The following RNF20 variants were observed in gnomAD, a reference collection of about 807,000 sequenced individuals.
The protein encoded by RNF20 is E3 ubiquitin-protein ligase BRE1A.
Under a neutral mutation model 126.2 loss-of-function variants are expected in RNF20, and 84 were observed. The observed-to-expected ratio is 0.67, with a 90% CI of 0.56 to 0.80. The LOEUF (loss-of-function observed/expected upper bound fraction) is 0.80. RNF20 is among the 30% of genes least tolerant of loss of function. The pLI is 0.00. For synonymous variants in RNF20, 400 were observed against 414.3 expected, an observed-to-expected ratio of 0.97 and a Z score of 0.42; for missense variants, 869 against 1,188.2, an observed-to-expected ratio of 0.73 and a Z score of 3.95.
At chr9:101,560,536 A>C in intron 16 of RNF20, 1 of 278,538 alleles carries the variant, frequency 3.6e-6, no homozygotes, top group South Asian at 5.2e-5. Context: ...AAGCATTAGC[A>C]TGCATTCTCT....
At chr9:101,559,287 T>C (rs950460015) in intron 16 of RNF20, among the ~76,000 whole-genome samples, 3 of 152,220 alleles carry the variant, frequency 2.0e-5, no homozygotes, top group Non-Finnish European at 2.9e-5. Flanking sequence ...CCATGCTGTT[T>C]TTGTGACTAT....
At chr9:101,561,407 TG>T in intron 18 of RNF20, 177 bp downstream of exon 18, 4 of 633,970 alleles carry the variant, frequency 6.3e-6, no homozygotes, top group Non-Finnish European at 1.1e-5. Context: ...GACTCTTTTA[TG>T]GTGCCTTGCA....
At chr9:101,551,562 G>A in intron 10 of RNF20, 122 bp from the exon 11 acceptor site, 2 of 698,838 alleles carry the variant, frequency 2.9e-6, no homozygotes, top group South Asian at 3.1e-5. Flanking sequence ...TTAGTCTTTT[G>A]TAGATATCTG....
At position 101,544,784 on chromosome 9, in the gene RNF20, G is replaced by A. The variant is rs960249713; in HGVS notation, c.646G>A (p.Glu216Lys). 1 of 1,605,776 alleles carries A rather than the reference G, an allele frequency of 6.2e-7. No individual in the cohort carries two copies. ...TTCCCCAGATAATCTGATAGTGGAGGAAGCAGTGCAGGAGCTGAACTCTTT... is the reference window on the plus strand; with the variant it reads ...TTCCCCAGATAATCTGATAGTGGAGAAAGCAGTGCAGGAGCTGAACTCTTT... The part of the protein sequence containing the change: ...LNSGDNLIVE[E>K]AVQELNSFLA... The change falls in exon 6 of 20, where the codon GAA becomes AAA. Residue 216 changes from glutamate to lysine, a missense_variant. By Grantham distance (56) the Glu-to-Lys change is moderately conservative. Coordinates refer to ENST00000389120, the MANE Select transcript of RNF20 (RefSeq NM_019592.7).
chr9:101,540,217 T>G lies in RNF20; in HGVS notation c.144T>G (p.Ile48Met), dbSNP rs1251402421. The G allele has an allele frequency of 6.2e-7, 1 of 1,614,154 alleles. No homozygotes were observed. Among genetic ancestry groups the G allele is most frequent in the East Asian group, 2.2e-5 (1 of 44,878 alleles). ...GGVSSTEELD[I>M]RTLQTKNRKL... ...TTACTGGGCAGGAGGAACTAGACAT[T>G]AGAACACTGCAAACCAAAAATCGCA... Residue 48 changes from isoleucine (I) to methionine (M), a missense_variant, in exon 3 of 20, where the codon ATT becomes ATG. This residue lies in a region of RNF20 where 157 missense variants were observed against 236.0 expected (regional missense o/e 0.67). Coordinates refer to ENST00000389120, the MANE Select transcript of RNF20 (RefSeq NM_019592.7).
chr9:101,555,294 A>G (rs1429105085), intron 15 of RNF20, among the ~76,000 whole-genome samples: 1 of 151,900 alleles, frequency 6.6e-6, no homozygotes, highest in African/African-American at 2.4e-5. Flanking sequence ...CAGAAAAACT[A>G]TGCTTATAAA....
intron 15 of RNF20, among the ~76,000 whole-genome samples, chr9:101,556,238 G>A (rs2118731080): frequency 6.6e-6 from 1 of 152,218 alleles, no homozygotes; most frequent in South Asian, 2.1e-4. Context: ...TAAAGTACAT[G>A]TGGAGAAGTA....
In RNF20 at chr9:101,552,564, G is replaced by T. The variant is rs759189988; in HGVS notation, c.1712G>T (p.Arg571Leu). The T allele has an allele frequency of 6.2e-7, 1 of 1,610,326 alleles. No individual in the cohort carries two copies. Among genetic ancestry groups the T allele is most frequent in the Non-Finnish European group, 8.5e-7 (1 of 1,176,804 alleles). The change falls in exon 13 of 20, where the codon CGA (arginine) becomes CTA (leucine). Residue 571 changes from arginine (R) to leucine (L), a missense_variant. By Grantham distance (102) the Arg-to-Leu change is moderately radical (BLOSUM62 -2). This residue lies in a region of RNF20 where 231 missense variants were observed against 263.6 expected (regional missense o/e 0.88). Transcript: ENST00000389120. ...AAACGGGATGAAGAAGAACGAGAACGAGAAAGGAGGGAGAAGGAGAGGGAA... is the reference window on the plus strand; with the variant it reads ...AAACGGGATGAAGAAGAACGAGAACTAGAAAGGAGGGAGAAGGAGAGGGAA... Reference protein sequence around the residue: ...KSKRDEEERERERREKERERE... With the variant: ...KSKRDEEERELERREKERERE...
At chr9:101,541,271 A>G (rs1199069795) in intron 5 of RNF20, among the ~76,000 whole-genome samples, 1 of 152,106 alleles carries the variant, frequency 6.6e-6, no homozygotes, top group East Asian at 1.9e-4. Context: ...AAGTCTTGCT[A>G]TGTTGCCCAG....
intron 14 of RNF20, 108 bp from the exon 15 acceptor site, chr9:101,554,586 G>A (rs1326779346): frequency 3.4e-6 from 3 of 874,704 alleles, no homozygotes; most frequent in African/African-American, 1.7e-5. Flanking sequence ...CTATAATTCT[G>A]TAAAGACTCT....
chr9:101,543,021 A>T (rs957647185), intron 5 of RNF20, among the ~76,000 whole-genome samples: 1 of 152,200 alleles, frequency 6.6e-6, no homozygotes, highest in Admixed American at 6.5e-5. Context: ...GGACATCATC[A>T]ATACAGTAGT....
At position 101,550,667 on chromosome 9, in the gene RNF20, A is replaced by G. The variant is rs1827428024; in HGVS notation, c.1154A>G (p.Gln385Arg). The G allele has an allele frequency of 6.2e-7, 1 of 1,614,146 alleles. No individual in the cohort carries two copies. Among genetic ancestry groups the G allele is most frequent in the Non-Finnish European group, 8.5e-7 (1 of 1,179,998 alleles). ...VKETPEYRCM[Q>R]SQFSVLYNES... ...GAAACTCCAGAATATCGCTGCATGC[A>G]GTCACAGTTCTCCGTCTTGTATAAT... Residue 385 changes from glutamine (Q) to arginine (R), a missense_variant, in exon 10 of 20, where the codon CAG becomes CGG. Around this residue, in one of 8 missense-constraint regions of RNF20, gnomAD observed 153 missense variants for 226.4 expected, o/e 0.68. Transcript: ENST00000389120.
chr9:101,539,216 A>G (rs1234426113), intron 2 of RNF20, among the ~76,000 whole-genome samples: 1 of 152,158 alleles, frequency 6.6e-6, no homozygotes, highest in Non-Finnish European at 1.5e-5. Context: ...TGATAAAGAA[A>G]TATTTCTAGA....
intron 9 of RNF20, among the ~76,000 whole-genome samples, chr9:101,550,233 C>T (rs375676628): frequency 3.9e-5 from 6 of 152,018 alleles, no homozygotes; most frequent in African/African-American, 7.2e-5. Flanking sequence ...TTTTTGATAC[C>T]CTGTCAATTT....
chr9:101,536,594 C>T (rs1056459893), intron 2 of RNF20, among the ~76,000 whole-genome samples: 8 of 152,314 alleles, frequency 5.3e-5, no homozygotes, highest in African/African-American at 1.9e-4. Flanking sequence ...CATTTATTCA[C>T]TCAATATATA....
rs1446817911 is a variant in RNF20, at chr9:101,550,788, A to G, written c.1272+3A>G. On this transcript the variant is annotated splice_donor_region_variant and intron_variant, in intron 10 of 19. Coordinates refer to ENST00000389120, the MANE Select transcript of RNF20 (RefSeq NM_019592.7). ...AGCACCAGGTTGAGCTTATTGAGGT[A>G]ATAGCCTTGCCTTGTCTTTTGTATG... 6.2e-7 allele frequency: 1 copy of G among 1,613,936 alleles called. No individual in the cohort carries two copies.
At chr9:101,547,321 G>A (rs1459279970) in intron 8 of RNF20, 78 bp from the exon 9 acceptor site, 25 of 1,603,876 alleles carry the variant, frequency 1.6e-5, no homozygotes, top group Middle Eastern at 1.7e-4. Flanking sequence ...CTGGAATAGC[G>A]AATCAGTGAA....
At chr9:101,553,859 C>A (rs1827487541) in intron 13 of RNF20, 129 bp from the exon 14 acceptor site, 1 of 547,620 alleles carries the variant, frequency 1.8e-6, no homozygotes, top group Admixed American at 3.1e-5. Context: ...AAAATTTTAT[C>A]TTTTAGGTGT....
At chr9:101,548,346 G>C (rs1280393573) in intron 9 of RNF20, among the ~76,000 whole-genome samples, 1 of 152,152 alleles carries the variant, frequency 6.6e-6, no homozygotes, top group East Asian at 1.9e-4. Context: ...GGAAGATGTT[G>C]GGGAAAAGGT....
Sources: gnomAD v4.1 joint callset for allele counts (sites outside exome capture counted in the v4.1 genomes callset) on GRCh38, gnomAD v4.1.1 for gene constraint, gnomAD v4.1.1 regional missense constraint, MANE v1.5 for transcripts, NCBI Gene and HGNC (gene_info 2026-07-23, HGNC 2026-07-21) for gene names.